Variants in PREX1 observed in about 807,000 individuals in gnomAD.
PREX1 encodes the protein phosphatidylinositol-3,4,5-trisphosphate dependent Rac exchange factor 1.
Under a neutral mutation model 198.3 loss-of-function variants are expected in PREX1, and 41 were observed. The ratio of observed to expected loss-of-function variants is 0.21; its 90% CI spans 0.16 to 0.27. The LOEUF (loss-of-function observed/expected upper bound fraction) is 0.27. Among genes scored for constraint, PREX1 ranks in the 10% least tolerant of loss-of-function variants. The probability of loss-of-function intolerance (pLI) is 1.00; values close to 1 mark genes in which losing one functional copy is unlikely to be tolerated. For synonymous variants in PREX1, 843 were observed against 887.2 expected (o/e 0.95, Z 0.89); for missense variants, 1,620 against 2,200.7 (o/e 0.74, Z 5.28).
At chr20:48,809,425 C>CCCCCACTA (rs1480380489) in intron 1 of PREX1, among the ~76,000 whole-genome samples, 1 of 152,198 alleles carries the variant, frequency 6.6e-6, no homozygotes, top group Non-Finnish European at 1.5e-5. Flanking sequence ...AACCACTCCT[C>CCCCCACTA]CCCCACTACC....
intron 1 of PREX1, among the ~76,000 whole-genome samples, chr20:48,816,928 T>C (rs1342417597): frequency 6.6e-6 from 1 of 152,200 alleles, no homozygotes; most frequent in African/African-American, 2.4e-5. Context: ...AGCCACTAAA[T>C]GTGTGGTAAC....
At position 48,737,536 on chromosome 20, in the gene PREX1, C is replaced by T. The variant is rs111397923; in HGVS notation, c.415-2886G>A. On this transcript the variant is annotated intron_variant, in intron 3 of 39. Coordinates refer to ENST00000371941, the MANE Select transcript of PREX1 (RefSeq NM_020820.4). ...GAAAGGAAGAAAAGAGAAGGAGGAA[C>T]GGAGAGGCTAAAGGGCCCTCAGACC... Among the ~76,000 whole-genome samples the T allele has an allele frequency of 3.6e-3, 542 of 152,264 alleles. 4 individuals carry two copies. The highest frequency in any genetic ancestry group is 0.011 in the African/African-American group (473 of 41,522).
the PREX1 span, among the ~76,000 whole-genome samples, chr20:48,858,578 A>G: frequency 6.6e-6 from 1 of 152,228 alleles, no homozygotes; most frequent in South Asian, 2.1e-4. Context: ...GGAGCTTATC[A>G]GCTCTGTCCT....
intron 7 of PREX1, among the ~76,000 whole-genome samples, chr20:48,697,754 ACTTTGCTCTT>A (rs1340418128): frequency 6.6e-6 from 1 of 152,066 alleles, no homozygotes; most frequent in Non-Finnish European, 1.5e-5. Flanking sequence ...GATGCATGAG[ACTTTGCTCTT>A]CTGGGTCCTG....
chr20:48,793,443 T>C (rs2090347224), intron 1 of PREX1, among the ~76,000 whole-genome samples: 2 of 152,100 alleles, frequency 1.3e-5, no homozygotes, highest in South Asian at 4.1e-4. Context: ...AATTAAAAAA[T>C]TAAAAAGAGA....
At chr20:48,667,313 G>A (rs1568814097) in intron 14 of PREX1, among the ~76,000 whole-genome samples, 1 of 152,174 alleles carries the variant, frequency 6.6e-6, no homozygotes, top group Non-Finnish European at 1.5e-5. Flanking sequence ...CCATAATTGT[G>A]TCTCTAATAC....
the PREX1 span, among the ~76,000 whole-genome samples, chr20:48,843,490 G>A: frequency 0.17 from 25,546 of 152,120 alleles, 2,267 homozygotes; most frequent in Non-Finnish European, 0.19. Context: ...AAGAATTGAG[G>A]GAGGCTCCTC....
chr20:48,754,870 A>AG (rs1474716206), intron 1 of PREX1, among the ~76,000 whole-genome samples: 1 of 152,138 alleles, frequency 6.6e-6, no homozygotes, highest in African/African-American at 2.4e-5. Context: ...TAACAGCAGA[A>AG]GGGGGCTTAC....
chr20:48,733,437 A>T (rs746386591), intron 4 of PREX1, among the ~76,000 whole-genome samples: 1 of 152,214 alleles, frequency 6.6e-6, no homozygotes, highest in Non-Finnish European at 1.5e-5. Flanking sequence ...CATCAGACCT[A>T]GGATTTTTGC....
At chr20:48,682,538 A>G (rs2089758267) in intron 10 of PREX1, among the ~76,000 whole-genome samples, 1 of 152,220 alleles carries the variant, frequency 6.6e-6, no homozygotes, top group South Asian at 2.1e-4. Context: ...GCAGGGCTCA[A>G]TGATCATTTA....
At position 48,701,002 on chromosome 20, in the gene PREX1, C is replaced by T. The variant is rs1377238773; in HGVS notation, c.784-116G>A. The T allele has an allele frequency of 5.8e-6, 8 of 1,374,724 alleles. No individual in the cohort carries two copies. In the Admixed American group the frequency reaches 1.5e-4, roughly 25 times the overall value. 85.2% of individuals were successfully genotyped at this position (1,374,724 alleles called of 1,614,324 possible). ...CATGCCAAAAACTCCACCAGCAAGT[C>T]TGTCAATGGACAGAAAATCAACACA... On this transcript the variant is annotated intron_variant, in intron 6 of 39. Transcript: ENST00000371941.
At chr20:48,817,327 T>A (rs147061014) in intron 1 of PREX1, among the ~76,000 whole-genome samples, 2 of 152,094 alleles carry the variant, frequency 1.3e-5, no homozygotes, top group African/African-American at 4.8e-5. Flanking sequence ...CAAAATAAAT[T>A]CAGTCACTTA....
chr20:48,731,435 C>T (rs897800355), intron 4 of PREX1, among the ~76,000 whole-genome samples: 1 of 152,232 alleles, frequency 6.6e-6, no homozygotes, highest in Non-Finnish European at 1.5e-5. Context: ...AGAATAAGGA[C>T]TTTTCTTGCC....
Position 48,644,307 on chromosome 20 carries a change from A to C in PREX1, c.3601+102T>G, listed in dbSNP as rs2089435519. 4 of 1,027,920 alleles carry C rather than the reference A, an allele frequency of 3.9e-6. No individual in the cohort carries two copies. The South Asian group carries it at 6.0e-5, about 15-fold the overall frequency. The allele number at this position is 1,027,920 out of a possible 1,614,324, so 63.7% of individuals were successfully genotyped here. A position where few individuals can be genotyped will look rare whatever the true frequency, so the allele number is the denominator to read the frequency against. On this transcript the variant is annotated intron_variant, in intron 27 of 39. Coordinates refer to ENST00000371941, the MANE Select transcript of PREX1 (RefSeq NM_020820.4). ...GTACAGGACCATGCAATAAAACACA[A>C]AACAATATAATGCAGAGGAAAGTAT...
chr20:48,723,829 C>A (rs932504784), intron 5 of PREX1, among the ~76,000 whole-genome samples: 3 of 152,146 alleles, frequency 2.0e-5, no homozygotes, highest in Non-Finnish European at 2.9e-5. Flanking sequence ...GGCCTCACAT[C>A]GAGCCTAGAG....
At chr20:48,851,656 G>A in the PREX1 span, among the ~76,000 whole-genome samples, 9 of 152,146 alleles carry the variant, frequency 5.9e-5, no homozygotes, top group African/African-American at 2.2e-4. Context: ...TCATAGTATG[G>A]CATGGTGCAC....
At chr20:48,741,532 T>G (rs755975399) in intron 3 of PREX1, among the ~76,000 whole-genome samples, 18 of 152,166 alleles carry the variant, frequency 1.2e-4, no homozygotes, top group Non-Finnish European at 1.9e-4. Flanking sequence ...GCTAAGGGGC[T>G]GAACTATTTC....
intron 5 of PREX1, among the ~76,000 whole-genome samples, chr20:48,714,670 T>TGGTGCA (rs1420731220): frequency 6.6e-6 from 1 of 152,186 alleles, no homozygotes; most frequent in African/African-American, 2.4e-5. Context: ...AAATATAAAA[T>TGGTGCA]GCTGCAGCAG....
chr20:48,886,707 C>T, the PREX1 span, among the ~76,000 whole-genome samples: 1 of 152,238 alleles, frequency 6.6e-6, no homozygotes, highest in Non-Finnish European at 1.5e-5. Flanking sequence ...TGTCTGCACT[C>T]TTCTTAGCTT....
Sources: allele counts gnomAD v4.1 joint callset (sites outside exome capture counted in the v4.1 genomes callset), GRCh38; gene constraint gnomAD v4.1.1; transcripts MANE v1.5; gene names NCBI Gene and HGNC (gene_info 2026-07-23, HGNC 2026-07-21).